Variants in AFF3 observed in about 807,000 individuals in gnomAD.
AFF3 encodes ALF transcription elongation factor 3.
A neutral mutation model predicts 129.7 loss-of-function variants in AFF3; 32 were observed. The observed-to-expected ratio is 0.25, with a 90% CI of 0.19 to 0.33. The LOEUF (loss-of-function observed/expected upper bound fraction) is 0.33. Ranked by LOEUF, AFF3 falls within the 10% of genes least tolerant of loss-of-function variation. AFF3 has a pLI of 1.00. For synonymous variants in AFF3, 644 were observed against 635.4 expected (o/e 1.01, Z -0.20); for missense variants, 1,373 against 1,592.0 (o/e 0.86, Z 2.34).
rs558428336 is a variant in AFF3, at chr2:99,982,927, C to A, written c.873+23705G>T. Among the ~76,000 whole-genome samples the A allele has an allele frequency of 5.9e-5, 9 of 152,224 alleles. No homozygotes were observed. In the South Asian group the frequency reaches 1.7e-3, roughly 28 times the overall value. The stretch of plus-strand genomic sequence containing the variant: ...TCACCTATAATGACCCAGGTAATTG[C>A]CATATATGGGTAACCCCTGAGGAAC... On this transcript the variant is annotated intron_variant, in intron 7 of 24. Coordinates refer to ENST00000672756, the MANE Select transcript of AFF3 (RefSeq NM_001386135.1).
intron 22 of AFF3, among the ~76,000 whole-genome samples, chr2:99,558,401 A>G (rs1210380919): frequency 1.3e-5 from 2 of 152,116 alleles, no homozygotes; most frequent in Non-Finnish European, 2.9e-5. Flanking sequence ...CGGGGAGATC[A>G]CCTGAGGTCA....
chr2:99,647,274 G>A (rs918076331), intron 13 of AFF3, among the ~76,000 whole-genome samples: 2 of 152,184 alleles, frequency 1.3e-5, no homozygotes, highest in Middle Eastern at 3.4e-3. Context: ...CGATAGACTG[G>A]GTAAAGAAAA....
At chr2:99,966,365 G>A (rs1677747276) in intron 7 of AFF3, among the ~76,000 whole-genome samples, 1 of 152,140 alleles carries the variant, frequency 6.6e-6, no homozygotes, top group Admixed American at 6.5e-5. Flanking sequence ...TAATAACCTA[G>A]GGAAACTAAA....
intron 7 of AFF3, among the ~76,000 whole-genome samples, chr2:99,921,535 T>A (rs1055931958): frequency 6.6e-6 from 1 of 152,160 alleles, no homozygotes; most frequent in Admixed American, 6.6e-5. Context: ...ACCATGGTCA[T>A]GTAAAATGTT....
intron 1 of AFF3, among the ~76,000 whole-genome samples, chr2:100,134,027 A>G (rs895731449): frequency 2.0e-5 from 3 of 152,260 alleles, no homozygotes; most frequent in South Asian, 2.1e-4. Flanking sequence ...ATGACTGCAT[A>G]GTATTTCACT....
intron 15 of AFF3, among the ~76,000 whole-genome samples, chr2:99,592,029 T>C (rs79626214): frequency 4.6e-5 from 7 of 152,238 alleles, no homozygotes; most frequent in South Asian, 2.1e-4. Context: ...GAGCCATCCA[T>C]GCATATTGCA....
At chr2:100,102,057 C>T (rs1336564931) in intron 4 of AFF3, among the ~76,000 whole-genome samples, 1 of 151,644 alleles carries the variant, frequency 6.6e-6, no homozygotes, top group Admixed American at 6.6e-5. Flanking sequence ...CTACCACTTA[C>T]TTACCCTTTC....
intron 7 of AFF3, among the ~76,000 whole-genome samples, chr2:99,912,074 T>C (rs1371613858): frequency 1.3e-5 from 2 of 152,184 alleles, no homozygotes; most frequent in Non-Finnish European, 2.9e-5. Context: ...CAGAGATCAA[T>C]GGGAGTAATA....
At chr2:99,691,379 G>A (rs1429976797) in intron 11 of AFF3, among the ~76,000 whole-genome samples, 1 of 152,206 alleles carries the variant, frequency 6.6e-6, no homozygotes, top group Non-Finnish European at 1.5e-5. Flanking sequence ...GGGACAGAGT[G>A]TTATTTTGGA....
intron 8 of AFF3, among the ~76,000 whole-genome samples, chr2:99,801,315 T>C (rs1268039326): frequency 6.6e-6 from 1 of 152,222 alleles, no homozygotes; most frequent in Non-Finnish European, 1.5e-5. Flanking sequence ...TCAACTTCAA[T>C]TTCTTCTTGT....
Position 100,020,140 on chromosome 2 carries a change from C to T in AFF3, c.54-11208G>A, listed in dbSNP as rs919309797. 4.6e-5 allele frequency among the ~76,000 whole-genome samples: 7 copies of T among 152,224 alleles called. No individual in the cohort carries two copies. In the East Asian group the frequency reaches 5.8e-4, roughly 13 times the overall value. ...ACATGCAATCTGGTTCTCCTGTTCA[C>T]GGCCAGGCTTCAACTTCCTCATGGG... On this transcript the variant is annotated intron_variant, in intron 4 of 24. Coordinates refer to ENST00000672756, the MANE Select transcript of AFF3 (RefSeq NM_001386135.1).
rs553429118 is a variant in AFF3, at chr2:99,598,721, A to C, written c.1371+2714T>G. On this transcript the variant is annotated intron_variant, in intron 14 of 24. Coordinates refer to ENST00000672756, the MANE Select transcript of AFF3 (RefSeq NM_001386135.1). ...GAATGTGAGGTGCATGGCTATGAAG[A>C]GCCTGACTGTCATGTGGGGTTCAGG... 1.8e-4 allele frequency among the ~76,000 whole-genome samples: 28 copies of C among 152,310 alleles called. 1 individual carries two copies. In the South Asian group the frequency reaches 5.6e-3, roughly 30 times the overall value.
intron 8 of AFF3, among the ~76,000 whole-genome samples, chr2:99,774,317 C>T (rs985980204): frequency 6.6e-6 from 1 of 152,166 alleles, no homozygotes; most frequent in Non-Finnish European, 1.5e-5. Context: ...AAGCTGGAGG[C>T]ATCACACTGC....
At chr2:99,753,392 G>A (rs1271624392) in intron 8 of AFF3, among the ~76,000 whole-genome samples, 2 of 152,264 alleles carry the variant, frequency 1.3e-5, no homozygotes, top group African/African-American at 2.4e-5. Flanking sequence ...AAGCTACTGC[G>A]CCTGGCCGAA....
At chr2:99,723,261 T>C (rs1419189291) in intron 11 of AFF3, among the ~76,000 whole-genome samples, 1 of 152,204 alleles carries the variant, frequency 6.6e-6, no homozygotes, top group Non-Finnish European at 1.5e-5. Context: ...TTGTCCAGAC[T>C]GTGTCATACT....
chr2:99,988,557 C>T (rs923123306), intron 7 of AFF3, among the ~76,000 whole-genome samples: 6 of 152,296 alleles, frequency 3.9e-5, no homozygotes, highest in South Asian at 2.1e-4. Flanking sequence ...CTATGGGTTG[C>T]TTTGCAAAAG....
intron 7 of AFF3, among the ~76,000 whole-genome samples, chr2:99,983,852 A>G (rs1214101799): frequency 1.3e-5 from 2 of 152,234 alleles, no homozygotes; most frequent in Non-Finnish European, 2.9e-5. Flanking sequence ...GAAAAGTGCC[A>G]GCAGAGCAGA....
chr2:100,067,269 C>T (rs1486257902), intron 4 of AFF3, among the ~76,000 whole-genome samples: 1 of 151,662 alleles, frequency 6.6e-6, no homozygotes, highest in East Asian at 1.9e-4. Flanking sequence ...ACTTAGAAAG[C>T]TTATTTTTTC....
At chr2:100,060,750 G>A (rs1000080069) in intron 4 of AFF3, among the ~76,000 whole-genome samples, 1 of 151,956 alleles carries the variant, frequency 6.6e-6, no homozygotes, top group Non-Finnish European at 1.5e-5. Flanking sequence ...ACATTACTAC[G>A]TACATCTGTC....
Sources: gnomAD v4.1 joint callset for allele counts (sites outside exome capture counted in the v4.1 genomes callset) on GRCh38, gnomAD v4.1.1 for gene constraint, MANE v1.5 for transcripts, NCBI Gene and HGNC (gene_info 2026-07-23, HGNC 2026-07-21) for gene names.